Variants in ZCCHC7 observed in about 807,000 individuals in gnomAD.
ZCCHC7 encodes the protein zinc finger CCHC domain-containing protein 7.
Under a neutral mutation model 52.0 loss-of-function variants are expected in ZCCHC7, and 35 were observed. The ratio of observed to expected loss-of-function variants is 0.67; its 90% confidence interval spans 0.51 to 0.89. ZCCHC7 has a LOEUF of 0.89. Among genes scored for constraint, ZCCHC7 ranks in the 40% least tolerant of loss-of-function variants. The probability of loss-of-function intolerance (pLI) is 0.00; values close to 1 mark genes in which losing one functional copy is unlikely to be tolerated. For synonymous variants in ZCCHC7, 217 were observed against 221.5 expected, an observed-to-expected ratio of 0.98 and a Z score of 0.18; for missense variants, 574 against 649.1, an observed-to-expected ratio of 0.88 and a Z score of 1.26.
At chr9:37,223,623 C>T (rs970841823) in intron 2 of ZCCHC7, among the ~76,000 whole-genome samples, 15 of 151,936 alleles carry the variant, frequency 9.9e-5, no homozygotes, top group African/African-American at 2.4e-4. Flanking sequence ...CATTTTAAAA[C>T]GGTTAAGATG....
intron 2 of ZCCHC7, among the ~76,000 whole-genome samples, chr9:37,227,565 A>C (rs1390566244): frequency 6.6e-6 from 1 of 152,140 alleles, no homozygotes; most frequent in Non-Finnish European, 1.5e-5. Flanking sequence ...TTACCATCCA[A>C]CCCAGGAGTT....
At chr9:37,131,506 A>G (rs535645081) in intron 2 of ZCCHC7, among the ~76,000 whole-genome samples, 1 of 151,730 alleles carries the variant, frequency 6.6e-6, no homozygotes, top group Non-Finnish European at 1.5e-5. Context: ...TTAGCCGGGC[A>G]TTCTGGCAAG....
chr9:37,142,572 A>T (rs1205879628), intron 2 of ZCCHC7, among the ~76,000 whole-genome samples: 1 of 151,820 alleles, frequency 6.6e-6, no homozygotes, highest in East Asian at 1.9e-4. Flanking sequence ...CTTCTCAAAA[A>T]GCAATTTCTT....
At chr9:37,215,133 A>G (rs1824436682) in intron 2 of ZCCHC7, among the ~76,000 whole-genome samples, 1 of 152,180 alleles carries the variant, frequency 6.6e-6, no homozygotes, top group Admixed American at 6.5e-5. Flanking sequence ...ACCACTATTT[A>G]ATTACCCAAA....
At chr9:37,193,296 G>A (rs1489083685) in intron 2 of ZCCHC7, among the ~76,000 whole-genome samples, 1 of 152,072 alleles carries the variant, frequency 6.6e-6, no homozygotes, top group Non-Finnish European at 1.5e-5. Flanking sequence ...GGGTATTGTA[G>A]CTTTAAAAAT....
At chr9:37,215,489 T>C (rs1824456892) in intron 2 of ZCCHC7, among the ~76,000 whole-genome samples, 1 of 152,172 alleles carries the variant, frequency 6.6e-6, no homozygotes, top group Admixed American at 6.5e-5. Flanking sequence ...CTAAGGAGCG[T>C]GGTTATAAAA....
At chr9:37,219,377 A>G (rs1208696882) in intron 2 of ZCCHC7, among the ~76,000 whole-genome samples, 2 of 152,220 alleles carry the variant, frequency 1.3e-5, no homozygotes, top group Non-Finnish European at 2.9e-5. Context: ...AAAGTTTGCT[A>G]ACTCCTGCAC....
At chr9:37,194,157 A>C (rs1026807159) in intron 2 of ZCCHC7, among the ~76,000 whole-genome samples, 2 of 152,218 alleles carry the variant, frequency 1.3e-5, no homozygotes, top group Admixed American at 6.5e-5. Context: ...AAAATTGGGT[A>C]CTTGCTATGC....
At chr9:37,187,160 T>C (rs1395633061) in intron 2 of ZCCHC7, 1 of 152,494 alleles carries the variant, frequency 6.6e-6, no homozygotes, top group African/African-American at 2.4e-5. Flanking sequence ...TAGTTTAGAT[T>C]GTAAGCTTCT....
chr9:37,200,354 C>T (rs967355824), intron 2 of ZCCHC7, among the ~76,000 whole-genome samples: 1 of 152,134 alleles, frequency 6.6e-6, no homozygotes, highest in Non-Finnish European at 1.5e-5. Flanking sequence ...TCCATGTTTC[C>T]TGTTGCTTTA....
Position 37,354,673 on chromosome 9 carries a change from G to T in ZCCHC7, c.1084-37G>T. ...TTGCAAAAAGGTTTTTGAACAGTGTGACCATGTGACATCATAATTTTACAT... is the reference window on the plus strand; with the variant it reads ...TTGCAAAAAGGTTTTTGAACAGTGTTACCATGTGACATCATAATTTTACAT... On this transcript the variant is annotated intron_variant, in intron 7 of 8. Coordinates refer to ENST00000336755, the MANE Select transcript of ZCCHC7 (RefSeq NM_032226.3). The surrounding 1 kb of genome is among the most constrained non-coding windows in gnomAD (Gnocchi z 4.0). 1.3e-6 allele frequency: 2 copies of T among 1,481,816 alleles called. No individual in the cohort carries two copies. Among genetic ancestry groups the T allele is most frequent in the South Asian group, 2.3e-5 (2 of 86,614 alleles). The allele number at this position is 1,481,816 out of a possible 1,614,324, so 91.8% of individuals were successfully genotyped here. A position where few individuals can be genotyped will look rare whatever the true frequency, so the allele number is the denominator to read the frequency against.
chr9:37,245,313 G>A (rs1826036852), intron 2 of ZCCHC7, among the ~76,000 whole-genome samples: 1 of 151,776 alleles, frequency 6.6e-6, no homozygotes, highest in African/African-American at 2.4e-5. Context: ...CAATATTCTA[G>A]TACTTTAAAG....
At chr9:37,250,905 C>T (rs144205956) in intron 2 of ZCCHC7, among the ~76,000 whole-genome samples, 190 of 152,164 alleles carry the variant, frequency 1.2e-3, no homozygotes, top group African/African-American at 4.2e-3. Context: ...ATCAGCTGAC[C>T]TATTGGTGGG....
chr9:37,296,448 T>C (rs1432019999), intron 2 of ZCCHC7, among the ~76,000 whole-genome samples: 1 of 152,184 alleles, frequency 6.6e-6, no homozygotes, highest in Admixed American at 6.5e-5. Context: ...CATTTCACTA[T>C]GTTTTAGAGC....
At chr9:37,231,246 A>G (rs946909447) in intron 2 of ZCCHC7, among the ~76,000 whole-genome samples, 15 of 152,194 alleles carry the variant, frequency 9.9e-5, no homozygotes, top group Non-Finnish European at 1.8e-4. Flanking sequence ...GCGCCTGGCC[A>G]TAAACGTCTT....
chr9:37,162,995 G>T (rs1821189157), intron 2 of ZCCHC7, among the ~76,000 whole-genome samples: 3 of 152,160 alleles, frequency 2.0e-5, no homozygotes, highest in African/African-American at 7.2e-5. Flanking sequence ...GAGGTCAAAA[G>T]ATTGAGACCA....
chr9:37,339,216 G>A (rs575769378), intron 6 of ZCCHC7, among the ~76,000 whole-genome samples: 66 of 152,256 alleles, frequency 4.3e-4, no homozygotes, highest in Non-Finnish European at 6.9e-4. Context: ...TAATTCTAAA[G>A]CCATTAGCTT....
intron 2 of ZCCHC7, among the ~76,000 whole-genome samples, chr9:37,193,860 A>G (rs1017582812): frequency 6.6e-6 from 1 of 152,206 alleles, no homozygotes; most frequent in Non-Finnish European, 1.5e-5. Flanking sequence ...GTGCAAATCC[A>G]TCAGTCACCT....
intron 2 of ZCCHC7, among the ~76,000 whole-genome samples, chr9:37,230,597 T>G (rs1825352140): frequency 6.6e-6 from 1 of 152,140 alleles, no homozygotes; most frequent in African/African-American, 2.4e-5. Flanking sequence ...TTTTTTAAAA[T>G]AATAAAATAT....
Sources: allele counts gnomAD v4.1 joint callset (sites outside exome capture counted in the v4.1 genomes callset), GRCh38; gene constraint gnomAD v4.1.1; non-coding constraint Gnocchi (gnomAD v3.1); transcripts MANE v1.5; gene names NCBI Gene and HGNC (gene_info 2026-07-23, HGNC 2026-07-21).